Variants in PELI2 observed in about 807,000 individuals in gnomAD.
PELI2 encodes the protein E3 ubiquitin-protein ligase pellino homolog 2.
A neutral mutation model predicts 42.3 loss-of-function variants in PELI2; 23 were observed. The ratio of observed to expected loss-of-function variants is 0.54; its 90% CI spans 0.39 to 0.77. PELI2 has a LOEUF of 0.77. PELI2 is among the 30% of genes least tolerant of loss of function. PELI2 has a pLI of 0.00. For missense variants in PELI2, 463 were observed against 553.2 expected (o/e 0.84, Z 1.64); for synonymous variants, 245 against 212.2 (o/e 1.15, Z -1.34).
intron 2 of PELI2, among the ~76,000 whole-genome samples, chr14:56,203,336 TC>T (rs1886403009): frequency 6.6e-6 from 1 of 152,134 alleles, no homozygotes; most frequent in African/African-American, 2.4e-5. Flanking sequence ...CGAGACTCTG[TC>T]AAAAATCTAG....
At chr14:56,195,994 C>G (rs1312004683) in intron 2 of PELI2, among the ~76,000 whole-genome samples, 1 of 152,182 alleles carries the variant, frequency 6.6e-6, no homozygotes, top group African/African-American at 2.4e-5. Flanking sequence ...TTTATCATTA[C>G]TGGGCGTGGG....
intron 2 of PELI2, among the ~76,000 whole-genome samples, chr14:56,237,178 CGTT>C (rs1887829017): frequency 6.6e-6 from 1 of 152,094 alleles, no homozygotes; most frequent in Admixed American, 6.6e-5. Flanking sequence ...CTGTTTTTAA[CGTT>C]GTATACATTT....
chr14:56,144,873 TA>T, intron 1 of PELI2: 1 of 604,930 alleles, frequency 1.7e-6, no homozygotes, highest in Non-Finnish European at 2.1e-6. Flanking sequence ...TGTACAGGAA[TA>T]AAAGGAATAA....
intron 1 of PELI2, among the ~76,000 whole-genome samples, chr14:56,169,237 G>T (rs150064747): frequency 2.6e-5 from 4 of 152,114 alleles, no homozygotes; most frequent in Non-Finnish European, 5.9e-5. Flanking sequence ...CCAAGCCCAC[G>T]GTCTCTGGGC....
At chr14:56,154,262 A>T (rs1884469339) in intron 1 of PELI2, among the ~76,000 whole-genome samples, 1 of 152,228 alleles carries the variant, frequency 6.6e-6, no homozygotes, top group Non-Finnish European at 1.5e-5. Context: ...ATATAATTTC[A>T]TCATGTAGAA....
chr14:56,124,971 A>G (rs1282911810), intron 1 of PELI2, among the ~76,000 whole-genome samples: 1 of 152,222 alleles, frequency 6.6e-6, no homozygotes, highest in African/African-American at 2.4e-5. Flanking sequence ...CTTTACCCTA[A>G]GAGCACAGGA....
chr14:56,183,901 T>C (rs1409120682), intron 2 of PELI2, among the ~76,000 whole-genome samples: 1 of 152,176 alleles, frequency 6.6e-6, no homozygotes, highest in Non-Finnish European at 1.5e-5. Context: ...GAAAAAGTTG[T>C]CTTAGCTGAA....
intron 2 of PELI2, among the ~76,000 whole-genome samples, chr14:56,184,750 A>G (rs1246098955): frequency 6.6e-6 from 1 of 152,100 alleles, no homozygotes; most frequent in Non-Finnish European, 1.5e-5. Context: ...TGTGATGGGA[A>G]AATCTGTATA....
intron 2 of PELI2, among the ~76,000 whole-genome samples, chr14:56,260,590 G>A (rs536562562): frequency 6.6e-6 from 1 of 152,222 alleles, no homozygotes; most frequent in East Asian, 1.9e-4. Context: ...TCCTCAAATT[G>A]TACACTTAAA....
intron 1 of PELI2, among the ~76,000 whole-genome samples, chr14:56,138,036 C>T (rs937954237): frequency 1.3e-5 from 2 of 152,120 alleles, no homozygotes; most frequent in Admixed American, 1.3e-4. Context: ...GAGGAGGGTG[C>T]TTTGTGTGCT....
At chr14:56,139,723 G>T (rs114938023) in intron 1 of PELI2, among the ~76,000 whole-genome samples, 46 of 151,918 alleles carry the variant, frequency 3.0e-4, no homozygotes, top group African/African-American at 1.1e-3. Flanking sequence ...CTAAAAATAT[G>T]ATTCTGCTAT....
At chr14:56,128,207 A>G (rs1883348871) in intron 1 of PELI2, among the ~76,000 whole-genome samples, 1 of 152,130 alleles carries the variant, frequency 6.6e-6, no homozygotes, top group Non-Finnish European at 1.5e-5. Context: ...ACTTCAGAGG[A>G]CTAGGGGTGG....
In PELI2 at chr14:56,257,489, A is replaced by G. The variant is rs183943204; in HGVS notation, c.208-22187A>G. 5.9e-5 allele frequency among the ~76,000 whole-genome samples: 9 copies of G among 152,310 alleles called. No individual in the cohort carries two copies. In the East Asian group the frequency reaches 1.2e-3, roughly 20 times the overall value. On this transcript the variant is annotated intron_variant, in intron 2 of 5. Coordinates refer to ENST00000267460, the MANE Select transcript of PELI2 (RefSeq NM_021255.3). ...TTATTTAAGTTTAAAATTGTCATCA[A>G]TTCAGGTGTACTGGACTTTCTCTTT...
chr14:56,275,569 C>T (rs1566678718), intron 2 of PELI2, among the ~76,000 whole-genome samples: 1 of 152,184 alleles, frequency 6.6e-6, no homozygotes, highest in Admixed American at 6.5e-5. Context: ...CTAGATCCCT[C>T]ACATGCGCAT....
chr14:56,282,494 C>T (rs928888588), intron 3 of PELI2, among the ~76,000 whole-genome samples: 3 of 151,894 alleles, frequency 2.0e-5, no homozygotes, highest in Non-Finnish European at 2.9e-5. Context: ...TAGCAGTTGC[C>T]TTTGTGGGGA....
chr14:56,235,095 A>G (rs1887741034), intron 2 of PELI2, among the ~76,000 whole-genome samples: 2 of 152,172 alleles, frequency 1.3e-5, no homozygotes, highest in African/African-American at 2.4e-5. Context: ...TGTCATCTCT[A>G]CTTCAAAGTT....
chr14:56,218,385 G>A (rs999502619), intron 2 of PELI2, among the ~76,000 whole-genome samples: 1 of 152,236 alleles, frequency 6.6e-6, no homozygotes, highest in Non-Finnish European at 1.5e-5. Flanking sequence ...TGGCACTAGA[G>A]CAAAGAAGTA....
intron 5 of PELI2, among the ~76,000 whole-genome samples, chr14:56,292,151 G>A (rs1286997110): frequency 2.0e-5 from 3 of 152,164 alleles, no homozygotes; most frequent in Non-Finnish European, 4.4e-5. Context: ...TCCAAAAATG[G>A]CTTGTATTAA....
In PELI2 at chr14:56,118,470, G is replaced by A. The variant is rs1049085041; in HGVS notation, c.-191G>A. ...CGGCGCGCGGAGCTCCGGGGAGTCA[G>A]GCGGAGCAGCCGCGCAGCCACGACG... is the stretch of plus-strand genomic sequence containing the variant. On this transcript the variant is annotated 5_prime_UTR_variant, in exon 1 of 6. Transcript: ENST00000267460. The A allele has an allele frequency of 3.0e-6, 1 of 335,622 alleles. No individual in the cohort carries two copies. The highest frequency in any genetic ancestry group is 2.2e-5 in the African/African-American group (1 of 46,012). The allele number at this position is 335,622 out of a possible 1,614,324, so 20.8% of individuals were successfully genotyped here.
Sources: allele counts gnomAD v4.1 joint callset (sites outside exome capture counted in the v4.1 genomes callset), GRCh38; gene constraint gnomAD v4.1.1; transcripts MANE v1.5; gene names NCBI Gene and HGNC (gene_info 2026-07-23, HGNC 2026-07-21).